The following CLIC6 variants were observed in gnomAD, a reference collection of about 807,000 sequenced individuals.
The protein encoded by CLIC6 is CLIC family member 6.
Under a neutral mutation model 49.2 loss-of-function variants are expected in CLIC6, and 39 were observed. The observed-to-expected ratio is 0.79, with a 90% CI of 0.61 to 1.04. The LOEUF (loss-of-function observed/expected upper bound fraction) is 1.04. Ranked by LOEUF, CLIC6 falls within the 50% of genes least tolerant of loss-of-function variation. The probability of loss-of-function intolerance (pLI) is 0.00; values close to 1 mark genes in which losing one functional copy is unlikely to be tolerated. For missense variants in CLIC6, 988 were observed against 993.1 expected, an observed-to-expected ratio of 0.99 and a Z score of 0.07; for synonymous variants, 446 against 433.4, an observed-to-expected ratio of 1.03 and a Z score of -0.36.
chr21:34,695,497 G>A (rs770871874), intron 1 of CLIC6, among the ~76,000 whole-genome samples: 19 of 152,216 alleles, frequency 1.2e-4, no homozygotes, highest in African/African-American at 4.1e-4. Flanking sequence ...CCTACTGCAC[G>A]AGTAAATGCC....
intron 5 of CLIC6, among the ~76,000 whole-genome samples, chr21:34,710,402 G>A (rs931937982): frequency 2.0e-5 from 3 of 152,196 alleles, no homozygotes; most frequent in African/African-American, 7.2e-5. Flanking sequence ...TTCCCATATA[G>A]TAGCTGAACA....
At chr21:34,687,527 C>T (rs1048998653) in intron 1 of CLIC6, among the ~76,000 whole-genome samples, 3 of 152,040 alleles carry the variant, frequency 2.0e-5, no homozygotes, top group African/African-American at 7.2e-5. Flanking sequence ...TGGCAAATAC[C>T]AGTTTGTTTG....
chr21:34,672,858 C>T (rs1989591599), intron 1 of CLIC6, among the ~76,000 whole-genome samples: 1 of 151,980 alleles, frequency 6.6e-6, no homozygotes, highest in Non-Finnish European at 1.5e-5. Flanking sequence ...TTGAGGTTAC[C>T]GTGAGAAATT....
chr21:34,692,050 C>G (rs987205569), intron 1 of CLIC6, among the ~76,000 whole-genome samples: 1 of 152,188 alleles, frequency 6.6e-6, no homozygotes, highest in African/African-American at 2.4e-5. Flanking sequence ...GTCACTAAGA[C>G]AGTTTCTCAA....
chr21:34,670,651 C>T lies in CLIC6; in HGVS notation c.1263C>T (p.Gly421=), dbSNP rs1444363536. ...TCAGCAACCACCTGGCCGAGGAGGG[C>T]CCCGCCGAGGGTAGCGGCGAGGCCG... is the stretch of plus-strand genomic sequence containing the variant. ...AQLSNHLAEE[G]PAEGSGEAAR... The change falls in exon 1 of 6, where the codon GGC becomes GGT. Residue 421 remains glycine, a synonymous_variant. Coordinates refer to ENST00000349499, the MANE Select transcript of CLIC6 (RefSeq NM_053277.3). 13 of 1,560,556 alleles carry T rather than the reference C, an allele frequency of 8.3e-6. No homozygotes were observed. Among genetic ancestry groups the T allele is most frequent in the Non-Finnish European group, 1.1e-5 (13 of 1,155,780 alleles).
At chr21:34,686,713 C>G (rs1989886780) in intron 1 of CLIC6, among the ~76,000 whole-genome samples, 1 of 152,170 alleles carries the variant, frequency 6.6e-6, no homozygotes, top group African/African-American at 2.4e-5. Flanking sequence ...TTTGACAATC[C>G]TAGCTGAGCC....
rs143470392 is a variant in CLIC6 at position 34,687,982 on chromosome 21, C to T, written c.1374+17220C>T. Among the ~76,000 whole-genome samples, 310 of 152,194 alleles carry T rather than the reference C, an allele frequency of 2.0e-3. 1 individual carries two copies. Among genetic ancestry groups the T allele is most frequent in the African/African-American group, 7.1e-3 (294 of 41,534 alleles). ...CAACGAGCATTGGGATGGAGCTGTCCGCTCCACTGGGGGTATGCAGTGTAA... is the reference window on the plus strand; with the variant it reads ...CAACGAGCATTGGGATGGAGCTGTCTGCTCCACTGGGGGTATGCAGTGTAA... On this transcript the variant is annotated intron_variant, in intron 1 of 5. Transcript: ENST00000349499.
chr21:34,700,458 A>AAAAG lies in CLIC6; in HGVS notation c.1375-6819_1375-6818insGAAA, dbSNP rs1568966852. On this transcript the variant is annotated intron_variant, in intron 1 of 5. Transcript: ENST00000349499. ...CGAGACTCCGTCTCAAAAAAAAAAA[A>AAAAG]AAAAGAAAAGAAAAGAATAAGAGAA... 6.9e-3 allele frequency among the ~76,000 whole-genome samples: 970 copies of AAAAG among 139,760 alleles called. 145 individuals carry two copies. The highest frequency in any genetic ancestry group is 0.043 in the Middle Eastern group (12 of 282). 91.7% of individuals were successfully genotyped at this position (139,760 alleles called of 152,430 possible).
intron 1 of CLIC6, chr21:34,706,123 C>A: frequency 1.5e-6 from 1 of 652,268 alleles, no homozygotes; most frequent in Non-Finnish European, 2.7e-6. Context: ...GGCTCAAATG[C>A]TGCAGGCTTT....
At chr21:34,697,824 CG>C (rs918727636) in intron 1 of CLIC6, among the ~76,000 whole-genome samples, 2 of 152,190 alleles carry the variant, frequency 1.3e-5, no homozygotes, top group African/African-American at 4.8e-5. Flanking sequence ...AGGAGAACTG[CG>C]GGGCCTGCCA....
chr21:34,701,271 C>T (rs1268890393), intron 1 of CLIC6, among the ~76,000 whole-genome samples: 2 of 132,600 alleles, frequency 1.5e-5, no homozygotes, highest in Non-Finnish European at 3.1e-5. Context: ...CACTGCAGTC[C>T]GCAGTCCGGC....
chr21:34,682,815 T>G (rs1186660945), intron 1 of CLIC6, among the ~76,000 whole-genome samples: 13 of 134,854 alleles, frequency 9.6e-5, no homozygotes, highest in African/African-American at 3.6e-4. Flanking sequence ...TTTTTTTTTT[T>G]TTTTTTTTTT....
At chr21:34,672,607 T>C (rs768402000) in intron 1 of CLIC6, among the ~76,000 whole-genome samples, 9 of 152,194 alleles carry the variant, frequency 5.9e-5, no homozygotes, top group Non-Finnish European at 1.2e-4. Flanking sequence ...TCCTCAGCTG[T>C]GTGAAATTCA....
intron 1 of CLIC6, among the ~76,000 whole-genome samples, chr21:34,703,140 A>T (rs964023846): frequency 2.0e-5 from 3 of 152,162 alleles, no homozygotes; most frequent in Admixed American, 2.0e-4. Context: ...CTGCACACGG[A>T]TGCATTTCCT....
intron 1 of CLIC6, among the ~76,000 whole-genome samples, chr21:34,689,413 G>T (rs150974458): frequency 6.6e-6 from 1 of 152,164 alleles, no homozygotes; most frequent in Non-Finnish European, 1.5e-5. Context: ...TGGGAGGTGC[G>T]TGCAGAACAA....
At chr21:34,683,952 G>C (rs1989827111) in intron 1 of CLIC6, among the ~76,000 whole-genome samples, 1 of 152,166 alleles carries the variant, frequency 6.6e-6, no homozygotes, top group South Asian at 2.1e-4. Context: ...AAGCTTTTGT[G>C]GAAAACACAG....
chr21:34,702,026 T>G (rs1990200063), intron 1 of CLIC6, among the ~76,000 whole-genome samples: 1 of 152,112 alleles, frequency 6.6e-6, no homozygotes, highest in Admixed American at 6.5e-5. Context: ...TCATGGACTT[T>G]GGCCCAGGAA....
At chr21:34,709,673 C>A (rs141654550) in intron 5 of CLIC6, 135 bp downstream of exon 5, 6 of 777,096 alleles carry the variant, frequency 7.7e-6, no homozygotes, top group South Asian at 2.0e-5. Flanking sequence ...TAGTTCTGTT[C>A]GGGGCAGCCA....
chr21:34,692,930 C>G (rs1194952418), intron 1 of CLIC6, among the ~76,000 whole-genome samples: 1 of 152,220 alleles, frequency 6.6e-6, no homozygotes, highest in African/African-American at 2.4e-5. Flanking sequence ...TTGGTCTGCT[C>G]TGCCAGCATA....
Sources: gnomAD v4.1 joint callset for allele counts (sites outside exome capture counted in the v4.1 genomes callset) on GRCh38, gnomAD v4.1.1 for gene constraint, MANE v1.5 for transcripts, NCBI Gene and HGNC (gene_info 2026-07-23, HGNC 2026-07-21) for gene names.